Variants in TMC5 observed in about 807,000 individuals in gnomAD.
TMC5 encodes transmembrane channel like 5, also known as transmembrane channel-like protein 5.
In TMC5, 86 loss-of-function variants were observed where a neutral mutation model predicts 110.5. The observed-to-expected ratio is 0.78, with a 90% confidence interval of 0.65 to 0.93. The LOEUF is 0.93. TMC5 is among the 40% of genes least tolerant of loss of function. The probability of loss-of-function intolerance (pLI) is 0.00; values close to 1 mark genes in which losing one functional copy is unlikely to be tolerated. For synonymous variants in TMC5, 455 were observed against 439.5 expected (o/e 1.04, Z -0.44); for missense variants, 1,144 against 1,222.8 (o/e 0.94, Z 0.96).
intron 5 of TMC5, among the ~76,000 whole-genome samples, chr16:19,457,886 T>C (rs992174146): frequency 1.3e-5 from 2 of 151,376 alleles, no homozygotes; most frequent in African/African-American, 4.9e-5. Context: ...ACCACACCCA[T>C]CTAATTTTTG....
chr16:19,438,453 G>GAAAGAAAGA (rs1211525745), intron 2 of TMC5, among the ~76,000 whole-genome samples: 1 of 145,418 alleles, frequency 6.9e-6, no homozygotes, highest in African/African-American at 2.5e-5. Flanking sequence ...AAGAAAGAAA[G>GAAAGAAAGA]AAAGAAAACT....
intron 13 of TMC5, 38 bp from the exon 14 acceptor site, chr16:19,479,393 A>G (rs761490456): frequency 6.8e-7 from 1 of 1,469,998 alleles, no homozygotes; most frequent in Non-Finnish European, 9.5e-7. Context: ...CTGAGGCCAC[A>G]GCCCCTTCCC....
At position 19,467,625 on chromosome 16, in the gene TMC5, G is replaced by T. The variant is rs142979913; in HGVS notation, c.1637+1392G>T. 2.7e-4 allele frequency among the ~76,000 whole-genome samples: 41 copies of T among 152,184 alleles called. No homozygotes were observed. In the East Asian group the frequency reaches 7.6e-3, roughly 28 times the overall value. On this transcript the variant is annotated intron_variant, in intron 9 of 21. Coordinates refer to ENST00000542583, the MANE Select transcript of TMC5 (RefSeq NM_001261841.2). ...GCCTCCCTAGTAGCTGGGACTATAG[G>T]TATGTGCCACCACGTCCGACTAATT...
chr16:19,459,917 CA>C (rs34853313), intron 5 of TMC5, among the ~76,000 whole-genome samples: 9,362 of 95,294 alleles, frequency 0.098, 255 homozygotes, highest in East Asian at 0.16. Flanking sequence ...GATCCTGTCT[CA>C]AAAAAAAAAA....
intron 2 of TMC5, among the ~76,000 whole-genome samples, chr16:19,438,401 A>AAAAG (rs1567302230): frequency 3.8e-5 from 3 of 79,222 alleles, no homozygotes; most frequent in Non-Finnish European, 7.5e-5. Flanking sequence ...AAAAAAAAAA[A>AAAAG]AAAAAAAGAA....
intron 17 of TMC5, among the ~76,000 whole-genome samples, chr16:19,489,003 C>T (rs917017685): frequency 6.8e-6 from 1 of 147,272 alleles, no homozygotes; most frequent in African/African-American, 2.7e-5. Context: ...CCACAACACC[C>T]TTGCTCCTCT....
chr16:19,449,618 C>T lies in TMC5; in HGVS notation c.1035C>T (p.His345=). The change falls in exon 5 of 22, where the codon CAC becomes CAT. Residue 345 remains histidine, a synonymous_variant. Coordinates refer to ENST00000542583, the MANE Select transcript of TMC5 (RefSeq NM_001261841.2). ...GNPPLSECDW[H]KSPQGQKLIA... ...CACCATTGTCTGAATGTGATTGGCACAAGTCACCCCAAGGTAAGTGATATG... is the reference window on the plus strand; with the variant it reads ...CACCATTGTCTGAATGTGATTGGCATAAGTCACCCCAAGGTAAGTGATATG... 6.2e-7 allele frequency: 1 copy of T among 1,614,104 alleles called. No individual in the cohort carries two copies. The highest frequency in any genetic ancestry group is 8.5e-7 in the Non-Finnish European group (1 of 1,179,996).
At chr16:19,464,601 A>G (rs1597194529) in intron 8 of TMC5, among the ~76,000 whole-genome samples, 1 of 152,312 alleles carries the variant, frequency 6.6e-6, no homozygotes, top group East Asian at 1.9e-4. Context: ...CTTTTCTTAC[A>G]AAAGATGAAT....
chr16:19,475,515 C>A (rs1000220024), intron 12 of TMC5, among the ~76,000 whole-genome samples: 1 of 152,104 alleles, frequency 6.6e-6, no homozygotes, highest in Non-Finnish European at 1.5e-5. Context: ...TCTGTGAGAT[C>A]CGGCTCCCGG....
chr16:19,436,134 C>G (rs1335311970), intron 2 of TMC5, among the ~76,000 whole-genome samples: 2 of 151,822 alleles, frequency 1.3e-5, no homozygotes, highest in Non-Finnish European at 2.9e-5. Context: ...TGGTGGCGGG[C>G]ACCTGTAATC....
At chr16:19,414,180 CTCTA>C (rs1700973261), upstream of TMC5, among the ~76,000 whole-genome samples, 2 of 151,692 alleles carry the variant, frequency 1.3e-5, no homozygotes, top group African/African-American at 4.8e-5. Flanking sequence ...AATCATCAGC[CTCTA>C]TCTAGGGTCC....
rs1967772020 is a variant in TMC5 at position 19,452,502 on chromosome 16, A to G, written c.1048+2871A>G. Among the ~76,000 whole-genome samples, 4 of 152,098 alleles carry G rather than the reference A, an allele frequency of 2.6e-5. 1 individual carries two copies. The South Asian group carries it at 8.3e-4, about 32-fold the overall frequency. On this transcript the variant is annotated intron_variant, in intron 5 of 21. Coordinates refer to ENST00000542583, the MANE Select transcript of TMC5 (RefSeq NM_001261841.2). ...GAGGCCGAGGCAGGTGGATCACCTA[A>G]GGTCAGGAGTTCGATACCAGCCTGG...
chr16:19,440,556 C>T lies in TMC5; in HGVS notation c.518C>T (p.Pro173Leu), dbSNP rs752695985. 1.2e-6 allele frequency: 2 copies of T among 1,614,162 alleles called. No homozygotes were observed. Among genetic ancestry groups the T allele is most frequent in the Admixed American group, 1.7e-5 (1 of 60,026 alleles). Residue 173 changes from proline to leucine, a missense_variant, in exon 3 of 22, where the codon CCT (proline) becomes CTT (leucine). Pro to Leu is a moderately conservative substitution (Grantham distance 98, BLOSUM62 -3). Coordinates refer to ENST00000542583, the MANE Select transcript of TMC5 (RefSeq NM_001261841.2). ...GGAGCTCAGAGCAACTCTGATCATC[C>T]TGGACCCAGAGCCAATTTGAACCAT... The part of the protein sequence containing the change: ...YPGAQSNSDH[P>L]GPRANLNHPG...
At chr16:19,410,834 T>C (rs1469533259) in exon 1 of TMC5, 1 of 152,300 alleles carries the variant, frequency 6.6e-6, no homozygotes, top group Non-Finnish European at 1.5e-5. Flanking sequence ...CAGGGGCGTC[T>C]TGGCGGAGCC....
In TMC5 at chr16:19,485,723, A is replaced by C. The variant is rs117339249; in HGVS notation, c.2364-1222A>C. On this transcript the variant is annotated intron_variant, in intron 15 of 21. Transcript: ENST00000542583. Reference sequence around the variant, plus strand: ...CCATTCCAAAAAGTCATTAAATTCTAGCGAGATGTTACAGTTTGCTAAGGC... The same window carrying C: ...CCATTCCAAAAAGTCATTAAATTCTCGCGAGATGTTACAGTTTGCTAAGGC... 1.7e-3 allele frequency among the ~76,000 whole-genome samples: 254 copies of C among 152,368 alleles called. 1 individual carries two copies. The highest frequency in any genetic ancestry group is 3.4e-3 in the Middle Eastern group (1 of 294).
At chr16:19,490,097 C>T (rs1968849159) in intron 17 of TMC5, among the ~76,000 whole-genome samples, 1 of 152,092 alleles carries the variant, frequency 6.6e-6, no homozygotes, top group African/African-American at 2.4e-5. Flanking sequence ...AATTCAACTT[C>T]TTAAGAAAAA....
Position 19,474,252 on chromosome 16 carries a change from A to G in TMC5, c.2066A>G (p.His689Arg), listed in dbSNP as rs749874573. 6 of 1,614,020 alleles carry G rather than the reference A, an allele frequency of 3.7e-6. No homozygotes were observed. The South Asian group carries it at 6.6e-5, about 18-fold the overall frequency. Residue 689 changes from histidine (H) to arginine (R), a missense_variant, in exon 12 of 22, where the codon CAC becomes CGC. Coordinates refer to ENST00000542583, the MANE Select transcript of TMC5 (RefSeq NM_001261841.2). ...RLVERYEMPR[H>R]EVYVLLIRNI... ...GTGGAGAGGTACGAGATGCCACGGCACGAAGTCTACGTTCTCCTGATCCGG... is the reference window on the plus strand; with the variant it reads ...GTGGAGAGGTACGAGATGCCACGGCGCGAAGTCTACGTTCTCCTGATCCGG...
Position 19,448,650 on chromosome 16 carries a change from AT to A in TMC5, c.959-886del, listed in dbSNP as rs905786305. ...TATATTAATATATATATTTAATGTAATTTTTTATATTATATTTTATATTAAA... is the reference window on the plus strand; with the variant it reads ...TATATTAATATATATATTTAATGTAATTTTTATATTATATTTTATATTAAA... On this transcript the variant is annotated intron_variant, in intron 4 of 21. Coordinates refer to ENST00000542583, the MANE Select transcript of TMC5 (RefSeq NM_001261841.2). Among the ~76,000 whole-genome samples, 105 of 143,718 alleles carry A rather than the reference AT, an allele frequency of 7.3e-4. 1 individual carries two copies. Among genetic ancestry groups the A allele is most frequent in the East Asian group, 2.6e-3 (13 of 5,028 alleles). The allele number at this position is 143,718 out of a possible 152,430, so 94.3% of individuals were successfully genotyped here. A position where few individuals can be genotyped will look rare whatever the true frequency, so the allele number is the denominator to read the frequency against.
intron 19 of TMC5, among the ~76,000 whole-genome samples, chr16:19,493,106 C>T (rs1437181494): frequency 2.0e-5 from 3 of 150,758 alleles, no homozygotes; most frequent in African/African-American, 4.9e-5. Flanking sequence ...GAATTACAGG[C>T]GCCTGCCACC....
Sources: allele counts gnomAD v4.1 joint callset (sites outside exome capture counted in the v4.1 genomes callset), GRCh38; gene constraint gnomAD v4.1.1; transcripts MANE v1.5; gene names NCBI Gene and HGNC (gene_info 2026-07-23, HGNC 2026-07-21).